FANCC: variants seen among roughly 807,000 people sequenced by gnomAD.
FANCC encodes the protein Fanconi anemia group C protein.
FANCC carries 55 observed loss-of-function variants against 71.3 expected under a neutral mutation model. That is an observed-to-expected ratio of 0.77 (90% confidence interval 0.62 to 0.97). The LOEUF is 0.97. FANCC is among the 50% of genes least tolerant of loss of function. The probability of loss-of-function intolerance (pLI) is 0.00; values close to 1 mark genes in which losing one functional copy is unlikely to be tolerated. For missense variants in FANCC, 678 were observed against 670.9 expected (o/e 1.01, Z -0.12); for synonymous variants, 275 against 244.9 (o/e 1.12, Z -1.15).
intron 1 of FANCC, among the ~76,000 whole-genome samples, chr9:95,255,631 T>C (rs1831612748): frequency 6.6e-6 from 1 of 152,068 alleles, no homozygotes; most frequent in Non-Finnish European, 1.5e-5. Context: ...AAAACCAGAA[T>C]GCCTCTTCTC....
At chr9:95,164,116 A>G (rs1331614613) in intron 6 of FANCC, among the ~76,000 whole-genome samples, 1 of 152,170 alleles carries the variant, frequency 6.6e-6, no homozygotes, top group African/African-American at 2.4e-5. Context: ...TTGATTTTGT[A>G]TACTGCAACT....
chr9:95,201,127 T>C (rs906442801), intron 4 of FANCC, among the ~76,000 whole-genome samples: 1 of 152,216 alleles, frequency 6.6e-6, no homozygotes, highest in Non-Finnish European at 1.5e-5. Flanking sequence ...TTTTCAACAA[T>C]GTAGTATAAA....
intron 4 of FANCC, among the ~76,000 whole-genome samples, chr9:95,220,103 A>C (rs1181563767): frequency 2.6e-5 from 4 of 152,274 alleles, no homozygotes. Flanking sequence ...TGCAGCCAAC[A>C]GACACAGGAA....
intron 9 of FANCC, 32 bp from the exon 10 acceptor site, chr9:95,125,217 T>G: frequency 1.9e-6 from 3 of 1,564,482 alleles, no homozygotes; most frequent in Non-Finnish European, 2.6e-6. Flanking sequence ...CAGAACACGT[T>G]TAACAAGTAA....
At chr9:95,238,921 T>G (rs1217690571) in intron 4 of FANCC, among the ~76,000 whole-genome samples, 1 of 152,140 alleles carries the variant, frequency 6.6e-6, no homozygotes, top group Non-Finnish European at 1.5e-5. Context: ...AAACCTTCTA[T>G]AGTCATATGC....
chr9:95,297,457 G>A (rs758870349), intron 1 of FANCC, among the ~76,000 whole-genome samples: 1 of 152,058 alleles, frequency 6.6e-6, no homozygotes, highest in Non-Finnish European at 1.5e-5. Context: ...CAGGAAACCC[G>A]CTTTCTTAGA....
intron 6 of FANCC, among the ~76,000 whole-genome samples, chr9:95,159,987 C>A (rs936075043): frequency 2.0e-5 from 3 of 152,168 alleles, no homozygotes; most frequent in African/African-American, 7.2e-5. Context: ...TGCCTGTTCA[C>A]TCTGATGGTA....
At position 95,114,348 on chromosome 9, in the gene FANCC, C is replaced by T. The variant is rs1413277264; in HGVS notation, c.1154+281G>A. On this transcript the variant is annotated intron_variant, in intron 12 of 14. Transcript: ENST00000289081. ...AAGGCCTCTTCTTTTTATTGTTATGCCTGTATATTTCAAAATCTAAAACCA... is the reference window on the plus strand; with the variant it reads ...AAGGCCTCTTCTTTTTATTGTTATGTCTGTATATTTCAAAATCTAAAACCA... The T allele has an allele frequency of 6.6e-6, 3 of 454,294 alleles. No homozygotes were observed. The East Asian group carries it at 1.3e-4, about 20-fold the overall frequency. The allele number at this position is 454,294 out of a possible 1,614,324, so 28.1% of individuals were successfully genotyped here.
chr9:95,100,897 T>G lies in FANCC; in HGVS notation c.*810A>C, dbSNP rs1231312825. 1 of 232,640 alleles carries G rather than the reference T, an allele frequency of 4.3e-6. No homozygotes were observed. The highest frequency in any genetic ancestry group is 8.5e-6 in the Non-Finnish European group (1 of 117,694). The allele number at this position is 232,640 out of a possible 1,614,324, so 14.4% of individuals were successfully genotyped here. On this transcript the variant is annotated 3_prime_UTR_variant, in exon 15 of 15. Transcript: ENST00000289081. ...CCCCTGCCTTGGCCTCCCAAAGTGC[T>G]GGGATCACAGGTGTGAGCCACTGCA...
At chr9:95,272,786 TAACATCA>T (rs1832815978) in intron 1 of FANCC, among the ~76,000 whole-genome samples, 1 of 152,228 alleles carries the variant, frequency 6.6e-6, no homozygotes, top group Middle Eastern at 3.2e-3. Flanking sequence ...TTCTTAGAAT[TAACATCA>T]TTAAGTGAGG....
At chr9:95,249,563 T>C (rs893347752) in intron 1 of FANCC, among the ~76,000 whole-genome samples, 194 bp from the exon 2 acceptor site, 4 of 152,204 alleles carry the variant, frequency 2.6e-5, no homozygotes, top group Non-Finnish European at 5.9e-5. Flanking sequence ...CTTTTTATCA[T>C]GATACTATCA....
Position 95,101,798 on chromosome 9 carries a change from G to T in FANCC, c.1586C>A (p.Thr529Asn). The part of the protein sequence containing the change: ...THEIIGFLDQ[T>N]LYRWNRLGIE... Reference sequence around the variant, plus strand: ...GCCAAGACGATTCCATCTGTACAAGGTCTGGTCAAGAAAGCCAATGATCTC... The same window carrying T: ...GCCAAGACGATTCCATCTGTACAAGTTCTGGTCAAGAAAGCCAATGATCTC... Residue 529 changes from threonine (T) to asparagine (N), a missense_variant, in exon 15 of 15, where the codon ACC becomes AAC. Thr to Asn is a moderately conservative substitution (Grantham distance 65). Coordinates refer to ENST00000289081, the MANE Select transcript of FANCC (RefSeq NM_000136.3). 1 of 1,614,106 alleles carries T rather than the reference G, an allele frequency of 6.2e-7. No homozygotes were observed. The highest frequency in any genetic ancestry group is 8.5e-7 in the Non-Finnish European group (1 of 1,180,010).
intron 4 of FANCC, among the ~76,000 whole-genome samples, chr9:95,179,476 A>G (rs1318357834): frequency 6.6e-6 from 1 of 152,174 alleles, no homozygotes; most frequent in Non-Finnish European, 1.5e-5. Flanking sequence ...CCTCCAGAGT[A>G]GCTGGGATTA....
intron 8 of FANCC, 129 bp downstream of exon 8, chr9:95,135,217 T>C: frequency 1.1e-6 from 1 of 913,036 alleles, no homozygotes; most frequent in Non-Finnish European, 1.8e-6. Flanking sequence ...AAAATGTAAA[T>C]ACACGATTAT....
intron 4 of FANCC, among the ~76,000 whole-genome samples, chr9:95,195,036 A>G (rs1239497605): frequency 6.6e-6 from 1 of 151,962 alleles, no homozygotes; most frequent in Non-Finnish European, 1.5e-5. Flanking sequence ...CGTCTCTACT[A>G]AAAATACAAA....
chr9:95,290,507 C>A (rs968446627), intron 1 of FANCC, among the ~76,000 whole-genome samples: 1 of 152,090 alleles, frequency 6.6e-6, no homozygotes. Context: ...AAAGGGAACA[C>A]CATTAAGAAA....
intron 1 of FANCC, among the ~76,000 whole-genome samples, chr9:95,279,929 C>CAGATCA (rs1833277256): frequency 8.6e-6 from 1 of 115,754 alleles, no homozygotes; most frequent in African/African-American, 3.5e-5. Context: ...GCCTGAGTGG[C>CAGATCA]AGATCAAGAC....
At chr9:95,135,572 C>A (rs985172005) in intron 7 of FANCC, 70 bp from the exon 8 acceptor site, 1 of 1,369,378 alleles carries the variant, frequency 7.3e-7, no homozygotes, top group South Asian at 1.2e-5. Context: ...AAAAAAAGTT[C>A]AAAATGCAAT....
intron 4 of FANCC, among the ~76,000 whole-genome samples, chr9:95,192,435 G>C (rs1457927478): frequency 1.3e-5 from 2 of 152,176 alleles, no homozygotes; most frequent in Non-Finnish European, 2.9e-5. Context: ...CTCAGTCCCA[G>C]TTTCCCAACT....
Sources: gnomAD v4.1 joint callset for allele counts (sites outside exome capture counted in the v4.1 genomes callset) on GRCh38, gnomAD v4.1.1 for gene constraint, MANE v1.5 for transcripts, NCBI Gene and HGNC (gene_info 2026-07-23, HGNC 2026-07-21) for gene names.